The following ANKFY1 variants were observed in gnomAD, a reference collection of about 807,000 sequenced individuals.
ANKFY1 encodes the protein ankyrin repeat and FYVE domain containing 1, also known as ankyrin repeat and FYVE domain-containing protein 1.
In ANKFY1, 47 loss-of-function variants were observed where a neutral mutation model predicts 128.3. The observed-to-expected ratio is 0.37, with a 90% CI of 0.29 to 0.47. The LOEUF (loss-of-function observed/expected upper bound fraction) is 0.47, where lower values mean the gene tolerates loss of function less well. Among genes scored for constraint, ANKFY1 ranks in the 20% least tolerant of loss-of-function variants. ANKFY1 has a pLI of 1.00. For synonymous variants in ANKFY1, 553 were observed against 601.6 expected, an observed-to-expected ratio of 0.92 and a Z score of 1.18; for missense variants, 1,222 against 1,510.6, an observed-to-expected ratio of 0.81 and a Z score of 3.17.
intron 23 of ANKFY1, among the ~76,000 whole-genome samples, chr17:4,170,236 TTC>T (rs2059291228): frequency 6.6e-6 from 1 of 152,202 alleles, no homozygotes; most frequent in Non-Finnish European, 1.5e-5. Context: ...ACTCGAGACA[TTC>T]TGATTCTTTC....
At chr17:4,193,308 T>C (rs2143008950) in intron 10 of ANKFY1, among the ~76,000 whole-genome samples, 1 of 151,994 alleles carries the variant, frequency 6.6e-6, no homozygotes, top group South Asian at 2.1e-4. Flanking sequence ...CAGGCTGGAG[T>C]ACAGTGGAGT....
chr17:4,243,442 C>G (rs1487537531), intron 1 of ANKFY1, among the ~76,000 whole-genome samples: 1 of 151,902 alleles, frequency 6.6e-6, no homozygotes, highest in Non-Finnish European at 1.5e-5. Context: ...CAACTGTTCC[C>G]CCTGCCTCAG....
intron 1 of ANKFY1, among the ~76,000 whole-genome samples, chr17:4,262,846 G>A (rs1968495678): frequency 6.6e-6 from 1 of 152,074 alleles, no homozygotes; most frequent in South Asian, 2.1e-4. Context: ...AAATACACAC[G>A]CCAGGCCTCC....
At chr17:4,218,410 T>C (rs950535030) in intron 3 of ANKFY1, among the ~76,000 whole-genome samples, 2 of 152,192 alleles carry the variant, frequency 1.3e-5, no homozygotes, top group African/African-American at 2.4e-5. Context: ...CATAAGATAT[T>C]TACTACATAG....
rs148237368 is a variant in ANKFY1, at chr17:4,169,391, G to A, written c.3287-103C>T. On this transcript the variant is annotated intron_variant, in intron 23 of 24. Coordinates refer to ENST00000341657, the MANE Select transcript of ANKFY1 (RefSeq NM_001330063.2). This position sits in a 1 kb window ranked among gnomAD's most constrained non-coding sequence, Gnocchi z 5.0. ...AACACAGACCCGTAAGTGAGGCAGCGCTGCCACATGACATAGGTGACGAAG... is the reference window on the plus strand; with the variant it reads ...AACACAGACCCGTAAGTGAGGCAGCACTGCCACATGACATAGGTGACGAAG... 1.6e-5 allele frequency: 13 copies of A among 818,570 alleles called. 1 individual carries two copies. The highest frequency in any genetic ancestry group is 4.3e-5 in the Admixed American group (2 of 46,000). The allele number at this position is 818,570 out of a possible 1,614,324, so 50.7% of individuals were successfully genotyped here.
In ANKFY1 at chr17:4,167,590, GAC is replaced by G. The variant is rs2059232221; in HGVS notation, c.*187_*188del. On this transcript the variant is annotated 3_prime_UTR_variant, in exon 25 of 25. Transcript: ENST00000341657. This position sits in a 1 kb window ranked among gnomAD's most constrained non-coding sequence, Gnocchi z 4.1. ...CATCTAGTGAAATCGATCACAGTCT[GAC>G]ACACACACTGACAATCATATGGAAT... is the stretch of plus-strand genomic sequence containing the variant. The G allele has an allele frequency of 3.7e-6, 2 of 540,892 alleles. No individual in the cohort carries two copies. Among genetic ancestry groups the G allele is most frequent in the East Asian group, 3.0e-5 (1 of 32,912 alleles). The allele number at this position is 540,892 out of a possible 1,614,324, so 33.5% of individuals were successfully genotyped here.
chr17:4,185,164 C>G, intron 11 of ANKFY1, 118 bp from the exon 12 acceptor site: 2 of 844,082 alleles, frequency 2.4e-6, no homozygotes, highest in Non-Finnish European at 3.9e-6. Context: ...AGCTGCCCCT[C>G]CTGACTTCTG....
chr17:4,240,213 C>T (rs979589243), intron 2 of ANKFY1, among the ~76,000 whole-genome samples: 14 of 151,416 alleles, frequency 9.2e-5, no homozygotes, highest in African/African-American at 2.2e-4. Flanking sequence ...TACAGGCGCC[C>T]GCCACCACAC....
intron 1 of ANKFY1, 115 bp downstream of exon 1, chr17:4,263,817 C>T (rs1333039303): frequency 1.9e-6 from 3 of 1,607,972 alleles, no homozygotes; most frequent in South Asian, 1.1e-5. Flanking sequence ...CTCGCGAGAC[C>T]CGCGGAGCCC....
chr17:4,258,931 CA>C (rs200736170), intron 1 of ANKFY1, among the ~76,000 whole-genome samples: 1 of 151,896 alleles, frequency 6.6e-6, no homozygotes, highest in Non-Finnish European at 1.5e-5. Context: ...ATACTATTTA[CA>C]AAAAAATTAC....
chr17:4,222,720 A>G, intron 3 of ANKFY1: 1 of 892,544 alleles, frequency 1.1e-6, no homozygotes, highest in Non-Finnish European at 1.9e-6. Flanking sequence ...ATATTAGGGT[A>G]GGGTTTCTTG....
intron 8 of ANKFY1, among the ~76,000 whole-genome samples, chr17:4,195,995 G>A (rs985588569): frequency 2.4e-5 from 3 of 125,188 alleles, no homozygotes; most frequent in African/African-American, 6.2e-5. Flanking sequence ...ACACACCCCC[G>A]AGTCAGGGCC....
chr17:4,180,289 G>A (rs370917576), intron 16 of ANKFY1: 143 of 172,588 alleles, frequency 8.3e-4, no homozygotes, highest in African/African-American at 3.1e-3. Context: ...TTAACCGGGC[G>A]TGGTGGTGCG....
At position 4,173,824 on chromosome 17, in the gene ANKFY1, TG is replaced by T. The variant is rs1482888040; in HGVS notation, c.2923+84del. On this transcript the variant is annotated intron_variant, in intron 20 of 24. Transcript: ENST00000341657. Reference sequence around the variant, plus strand: ...CTCCTGTAAAAGCCAACCTCCCCAGTGGGGAGCAGACCCAAGGGTGCACTGC... The same window carrying T: ...CTCCTGTAAAAGCCAACCTCCCCAGTGGGAGCAGACCCAAGGGTGCACTGC... 5.9e-6 allele frequency: 9 copies of T among 1,515,860 alleles called. No individual in the cohort carries two copies. In the African/African-American group the frequency reaches 8.3e-5, roughly 14 times the overall value. 93.9% of individuals were successfully genotyped at this position (1,515,860 alleles called of 1,614,324 possible).
chr17:4,177,364 T>C, intron 18 of ANKFY1, 62 bp from the exon 19 acceptor site: 1 of 1,453,968 alleles, frequency 6.9e-7, no homozygotes, highest in Non-Finnish European at 9.3e-7. Flanking sequence ...CTGAGCTTCA[T>C]CTGCAAGCTG....
At chr17:4,171,393 C>A (rs1444138799) in intron 22 of ANKFY1, among the ~76,000 whole-genome samples, 1 of 152,244 alleles carries the variant, frequency 6.6e-6, no homozygotes, top group African/African-American at 2.4e-5. Context: ...AACCTGCTGG[C>A]CTTCCCTACG....
At chr17:4,227,441 A>G (rs2060444238) in intron 3 of ANKFY1, among the ~76,000 whole-genome samples, 2 of 152,220 alleles carry the variant, frequency 1.3e-5, no homozygotes, top group South Asian at 2.1e-4. Context: ...AATCATTTCT[A>G]TAGATGTCAA....
chr17:4,210,016 A>G, intron 4 of ANKFY1, 69 bp from the exon 5 acceptor site: 1 of 1,502,232 alleles, frequency 6.7e-7, no homozygotes, highest in Non-Finnish European at 9.1e-7. Context: ...AACCAAAGCG[A>G]TCATCTTTGT....
chr17:4,263,755 AC>A (rs1968553887), intron 1 of ANKFY1, 176 bp downstream of exon 1: 1 of 1,515,908 alleles, frequency 6.6e-7, no homozygotes. Context: ...TGTCATAGGA[AC>A]CGCGCTCCGG....
Sources: allele counts gnomAD v4.1 joint callset (sites outside exome capture counted in the v4.1 genomes callset), GRCh38; gene constraint gnomAD v4.1.1; non-coding constraint Gnocchi (gnomAD v3.1); transcripts MANE v1.5; gene names NCBI Gene and HGNC (gene_info 2026-07-23, HGNC 2026-07-21).